PALM2AKAP2: variants seen among roughly 807,000 people sequenced by gnomAD.
PALM2AKAP2 encodes PALM2-AKAP2 fusion protein.
A neutral mutation model predicts 71.5 loss-of-function variants in PALM2AKAP2; 37 were observed. The observed-to-expected ratio is 0.52, with a 90% confidence interval of 0.40 to 0.68. The LOEUF is 0.68. PALM2AKAP2 is among the 30% of genes least tolerant of loss of function. The pLI, the probability that PALM2AKAP2 is intolerant of heterozygous loss-of-function variation, is 0.00. For missense variants in PALM2AKAP2, 1,224 were observed against 1,191.8 expected, an observed-to-expected ratio of 1.03 and a Z score of -0.40; for synonymous variants, 468 against 478.8, an observed-to-expected ratio of 0.98 and a Z score of 0.29.
chr9:109,836,778 A>C (rs1828491464), intron 1 of PALM2AKAP2, among the ~76,000 whole-genome samples: 1 of 152,246 alleles, frequency 6.6e-6, no homozygotes, highest in African/African-American at 2.4e-5. Flanking sequence ...AAAGGGTATC[A>C]GTGATGGAAG....
chr9:109,826,840 T>C (rs2131517778), intron 1 of PALM2AKAP2, among the ~76,000 whole-genome samples: 1 of 152,328 alleles, frequency 6.6e-6, no homozygotes, highest in South Asian at 2.1e-4. Context: ...TTCACTTCTT[T>C]TGTAAACGGA....
At chr9:109,647,528 C>T (rs1294249886) in intron 1 of PALM2AKAP2, among the ~76,000 whole-genome samples, 3 of 152,172 alleles carry the variant, frequency 2.0e-5, no homozygotes, top group African/African-American at 7.2e-5. Flanking sequence ...CAGGTGCCTC[C>T]GGAAGTATTG....
chr9:109,700,594 A>T (rs1316686724), intron 1 of PALM2AKAP2, among the ~76,000 whole-genome samples: 3 of 152,326 alleles, frequency 2.0e-5, no homozygotes, highest in African/African-American at 7.2e-5. Flanking sequence ...CAACTGCCCC[A>T]TGACATCTCA....
intron 1 of PALM2AKAP2, among the ~76,000 whole-genome samples, chr9:109,655,588 A>G (rs1827292567): frequency 6.6e-6 from 1 of 152,028 alleles, no homozygotes; most frequent in African/African-American, 2.4e-5. Context: ...CCCATAAAAC[A>G]TCATCTCCCT....
At chr9:109,789,986 A>G (rs1240081987) in intron 1 of PALM2AKAP2, among the ~76,000 whole-genome samples, 2 of 152,172 alleles carry the variant, frequency 1.3e-5, no homozygotes, top group East Asian at 3.8e-4. Flanking sequence ...ACTTTGGATT[A>G]CTCTTTGACC....
At chr9:109,966,188 G>T (rs1024727342) in intron 6 of PALM2AKAP2, among the ~76,000 whole-genome samples, 3 of 152,040 alleles carry the variant, frequency 2.0e-5, no homozygotes, top group Non-Finnish European at 4.4e-5. Flanking sequence ...TCAATCTGGG[G>T]CATCGTAGAA....
chr9:110,022,029 C>T (rs1477681999), intron 7 of PALM2AKAP2, among the ~76,000 whole-genome samples: 1 of 152,198 alleles, frequency 6.6e-6, no homozygotes, highest in Admixed American at 6.5e-5. Flanking sequence ...CAATCTGAGG[C>T]AGGATTTGGA....
rs895308284 is a variant in PALM2AKAP2 at position 110,156,597 on chromosome 9, G to C, written c.2748+100G>C. ...GCACAAATGTGTATGTCGTTGTCTG[G>C]TCAGCATTAGGGTTCCAGTATCAGT... On this transcript the variant is annotated intron_variant, in intron 3 of 3. Transcript: ENST00000374525. 9 of 1,395,992 alleles carry C rather than the reference G, an allele frequency of 6.4e-6. No homozygotes were observed. The African/African-American group carries it at 1.3e-4, about 20-fold the overall frequency. The allele number at this position is 1,395,992 out of a possible 1,614,324, so 86.5% of individuals were successfully genotyped here. A position where few individuals can be genotyped will look rare whatever the true frequency, so the allele number is the denominator to read the frequency against.
chr9:109,728,755 A>G (rs1436148525), intron 1 of PALM2AKAP2, among the ~76,000 whole-genome samples: 1 of 152,176 alleles, frequency 6.6e-6, no homozygotes, highest in South Asian at 2.1e-4. Flanking sequence ...GGTTGAATTT[A>G]AAACCACACC....
At chr9:109,949,363 A>G (rs1373565562) in intron 6 of PALM2AKAP2, among the ~76,000 whole-genome samples, 1 of 152,336 alleles carries the variant, frequency 6.6e-6, no homozygotes, top group African/African-American at 2.4e-5. Context: ...CTCAAATTCT[A>G]TGATTGAGCC....
Position 109,971,324 on chromosome 9 carries a change from A to G in PALM2AKAP2, c.496+39296A>G, listed in dbSNP as rs989740283. ...TTTTTTTTTTTTTTTTACAGAGAAAAGGGGTCTGTTTGCTCTTTGTGTTCT... is the reference window on the plus strand; with the variant it reads ...TTTTTTTTTTTTTTTTACAGAGAAAGGGGGTCTGTTTGCTCTTTGTGTTCT... On this transcript the variant is annotated intron_variant, in intron 6 of 9. Coordinates refer to the PALM2AKAP2 transcript ENST00000302798. Among the ~76,000 whole-genome samples, 17 of 117,238 alleles carry G rather than the reference A, an allele frequency of 1.5e-4. No homozygotes were observed. In the East Asian group the frequency reaches 4.8e-3, roughly 33 times the overall value. The allele number at this position is 117,238 out of a possible 152,430, so 76.9% of individuals were successfully genotyped here.
chr9:109,970,606 G>A (rs1290611717), intron 6 of PALM2AKAP2, among the ~76,000 whole-genome samples: 3 of 152,236 alleles, frequency 2.0e-5, no homozygotes, highest in Non-Finnish European at 4.4e-5. Context: ...TATGGAGCCT[G>A]CCTCTGGGGC....
chr9:109,981,927 T>A (rs1392362301), intron 6 of PALM2AKAP2, among the ~76,000 whole-genome samples: 2 of 152,136 alleles, frequency 1.3e-5, no homozygotes, highest in Non-Finnish European at 2.9e-5. Flanking sequence ...TACCATACGA[T>A]CCAGCAATCC....
At chr9:110,087,308 G>A (rs771317133) in intron 1 of PALM2AKAP2, among the ~76,000 whole-genome samples, 2 of 152,212 alleles carry the variant, frequency 1.3e-5, no homozygotes, top group Non-Finnish European at 2.9e-5. Context: ...TGTGTCTGAT[G>A]TGTCGGAGAG....
intron 1 of PALM2AKAP2, among the ~76,000 whole-genome samples, chr9:109,647,194 T>A (rs7850259): frequency 1.1e-3 from 163 of 152,318 alleles, no homozygotes; most frequent in African/African-American, 3.9e-3. Flanking sequence ...GCTTGCTTTT[T>A]CCACTTCATA....
rs547807052 is a variant in PALM2AKAP2 at position 109,931,161 on chromosome 9, T to C, written c.395-766T>C. Among the ~76,000 whole-genome samples the C allele has an allele frequency of 2.6e-5, 4 of 152,358 alleles. No homozygotes were observed. The East Asian group carries it at 7.7e-4, about 29-fold the overall frequency. ...TTGTCTTACCTCAGGGGTTTCCTCC[T>C]TTCCTCTGATACCTTGGCATGCTTG... On this transcript the variant is annotated intron_variant, in intron 5 of 9. Transcript: ENST00000302798.
chr9:110,086,643 T>A (rs1834580944), intron 1 of PALM2AKAP2, among the ~76,000 whole-genome samples: 1 of 152,210 alleles, frequency 6.6e-6, no homozygotes, highest in Non-Finnish European at 1.5e-5. Context: ...CTAAATGACT[T>A]GACTATCAAC....
intron 1 of PALM2AKAP2, among the ~76,000 whole-genome samples, chr9:109,694,643 G>A (rs920685168): frequency 6.6e-6 from 1 of 151,978 alleles, no homozygotes; most frequent in Non-Finnish European, 1.5e-5. Flanking sequence ...AATCTACAAA[G>A]TTAAAATAAT....
chr9:109,678,157 G>C (rs1827675768), intron 1 of PALM2AKAP2, among the ~76,000 whole-genome samples: 2 of 152,140 alleles, frequency 1.3e-5, no homozygotes, highest in Admixed American at 1.3e-4. Flanking sequence ...TTCTTTCATG[G>C]ATGTTCTGCA....
Sources: allele counts gnomAD v4.1 joint callset (sites outside exome capture counted in the v4.1 genomes callset), GRCh38; gene constraint gnomAD v4.1.1; transcripts MANE v1.5; gene names NCBI Gene and HGNC (gene_info 2026-07-23, HGNC 2026-07-21).